The following PLXNA1 variants were observed in gnomAD, a reference collection of about 807,000 sequenced individuals.
PLXNA1 encodes the protein plexin A1.
Under a neutral mutation model 191.7 loss-of-function variants are expected in PLXNA1, and 77 were observed. The ratio of observed to expected loss-of-function variants is 0.40; its 90% CI spans 0.33 to 0.49. PLXNA1 has a LOEUF of 0.49. Among genes scored for constraint, PLXNA1 ranks in the 20% least tolerant of loss-of-function variants. PLXNA1 has a pLI of 0.63. For missense variants in PLXNA1, 2,110 were observed against 2,660.2 expected, an observed-to-expected ratio of 0.79 and a Z score of 4.55; for synonymous variants, 1,137 against 1,156.4, an observed-to-expected ratio of 0.98 and a Z score of 0.34.
chr3:127,024,896 C>G (rs1316473990), intron 23 of PLXNA1, among the ~76,000 whole-genome samples: 4 of 151,984 alleles, frequency 2.6e-5, no homozygotes, highest in African/African-American at 9.7e-5. Flanking sequence ...TTGTTTTTGT[C>G]TTTTTTAAGA....
intron 3 of PLXNA1, among the ~76,000 whole-genome samples, chr3:126,999,980 C>T (rs1019335864): frequency 2.0e-5 from 3 of 151,980 alleles, no homozygotes; most frequent in Non-Finnish European, 4.4e-5. Flanking sequence ...CAGGCAGAAG[C>T]AGGTGGGGGC....
chr3:127,028,894 G>A, intron 25 of PLXNA1, 99 bp from the exon 26 acceptor site: 2 of 830,434 alleles, frequency 2.4e-6, no homozygotes, highest in Non-Finnish European at 3.9e-6. Context: ...CTGTGCTGGT[G>A]CTGAGAGCTG....
chr3:127,017,897 G>A lies in PLXNA1; in HGVS notation c.3660+5G>A, dbSNP rs1320089464. On this transcript the variant is annotated splice_donor_5th_base_variant and intron_variant, in intron 19 of 31. Coordinates refer to ENST00000393409, the MANE Select transcript of PLXNA1 (RefSeq NM_032242.4). Reference sequence around the variant, plus strand: ...ACTGGGCAGCACAAGGTCACGGTGCGTCTGTCCACCGGGGGTGCAGAGCTG... The same window carrying A: ...ACTGGGCAGCACAAGGTCACGGTGCATCTGTCCACCGGGGGTGCAGAGCTG... 5 of 1,611,750 alleles carry A rather than the reference G, an allele frequency of 3.1e-6. No individual in the cohort carries two copies. Among genetic ancestry groups the A allele is most frequent in the African/African-American group, 1.3e-5 (1 of 74,912 alleles).
At chr3:127,001,574 G>A (rs1463688818) in intron 3 of PLXNA1, among the ~76,000 whole-genome samples, 3 of 152,300 alleles carry the variant, frequency 2.0e-5, no homozygotes, top group South Asian at 2.1e-4. Flanking sequence ...GTCCCTAACC[G>A]GGGTCTTCCA....
intron 4 of PLXNA1, 82 bp downstream of exon 4, chr3:127,003,552 G>A: frequency 1.4e-6 from 2 of 1,444,696 alleles, no homozygotes; most frequent in South Asian, 2.9e-5. Flanking sequence ...CAGTAGGGGT[G>A]GGGCCACATC....
chr3:127,032,844 C>T lies in PLXNA1; in HGVS notation c.5595+8C>T. 2 of 1,612,184 alleles carry T rather than the reference C, an allele frequency of 1.2e-6. No homozygotes were observed. Among genetic ancestry groups the T allele is most frequent in the East Asian group, 4.5e-5 (2 of 44,880 alleles). ...ACCAAGTACAAGGATGAGGTGAACA[C>T]CGTGGGAGCCCACAGGCTGGGCTAG... is the stretch of plus-strand genomic sequence containing the variant. On this transcript the variant is annotated splice_region_variant and intron_variant, in intron 31 of 31. Transcript: ENST00000393409.
At chr3:127,015,900 T>C (rs1464071074) in intron 15 of PLXNA1, among the ~76,000 whole-genome samples, 1 of 152,010 alleles carries the variant, frequency 6.6e-6, no homozygotes, top group Admixed American at 6.5e-5. Flanking sequence ...GCTCATCTAG[T>C]CTCCTCACAG....
chr3:127,024,544 G>T (rs944082868), intron 23 of PLXNA1, among the ~76,000 whole-genome samples: 1 of 152,160 alleles, frequency 6.6e-6, no homozygotes, highest in Admixed American at 6.5e-5. Context: ...GAGTGGTGCA[G>T]GTACAAGGGG....
chr3:127,005,308 G>A (rs73196539), intron 7 of PLXNA1, 65 bp downstream of exon 7: 170,628 of 1,520,742 alleles, frequency 0.11, 10,558 homozygotes, highest in Middle Eastern at 0.19. Context: ...TCCAGTTGCC[G>A]CCTGTTTAGC....
chr3:126,997,164 G>A (rs2079018596), intron 3 of PLXNA1, among the ~76,000 whole-genome samples: 1 of 152,240 alleles, frequency 6.6e-6, no homozygotes, highest in Non-Finnish European at 1.5e-5. Context: ...ACACATGCCT[G>A]TGCATCCTGC....
intron 3 of PLXNA1, 115 bp from the exon 4 acceptor site, chr3:127,003,215 C>A: frequency 2.5e-6 from 3 of 1,201,806 alleles, no homozygotes; most frequent in Non-Finnish European, 3.4e-6. Flanking sequence ...CCTCTCTGCT[C>A]ATGCATGTCT....
intron 23 of PLXNA1, among the ~76,000 whole-genome samples, chr3:127,024,379 C>T (rs976593762): frequency 1.3e-4 from 20 of 152,112 alleles, no homozygotes; most frequent in Non-Finnish European, 2.2e-4. Flanking sequence ...GTCTTTAGGC[C>T]GGATCAGACA....
At chr3:127,030,149 C>T (rs1184153551) in intron 28 of PLXNA1, 85 bp downstream of exon 28, 1 of 1,584,282 alleles carries the variant, frequency 6.3e-7, no homozygotes, top group Non-Finnish European at 8.6e-7. Flanking sequence ...AGGGCCTCAC[C>T]CCCATGCTCC....
intron 3 of PLXNA1, among the ~76,000 whole-genome samples, chr3:126,999,648 C>A (rs1040622998): frequency 5.9e-5 from 9 of 152,212 alleles, no homozygotes; most frequent in Admixed American, 4.6e-4. Flanking sequence ...CTGGCCGGGC[C>A]CTCAGCTGCC....
At chr3:126,996,482 C>T (rs982918740) in intron 3 of PLXNA1, among the ~76,000 whole-genome samples, 1 of 152,208 alleles carries the variant, frequency 6.6e-6, no homozygotes, top group African/African-American at 2.4e-5. Context: ...GTGGCAGGTG[C>T]CCACTGTGGG....
intron 1 of PLXNA1, among the ~76,000 whole-genome samples, chr3:126,985,527 T>C (rs2078954205): frequency 9.2e-6 from 1 of 109,070 alleles, no homozygotes; most frequent in East Asian, 2.8e-4. Flanking sequence ...CCCACCCTCC[T>C]GCACCAGCTC....
intron 14 of PLXNA1, 69 bp downstream of exon 14, chr3:127,014,900 T>C: frequency 6.4e-7 from 1 of 1,564,602 alleles, no homozygotes; most frequent in Non-Finnish European, 8.7e-7. Flanking sequence ...AGGGCTTCTG[T>C]GCCTCTTCAG....
At position 126,988,558 on chromosome 3, in the gene PLXNA1, G is replaced by A. The variant is rs1405448196; in HGVS notation, c.-36G>A. 15 of 1,445,690 alleles carry A rather than the reference G, an allele frequency of 1.0e-5. No homozygotes were observed. In the East Asian group the frequency reaches 3.2e-4, roughly 31 times the overall value. 89.6% of individuals were successfully genotyped at this position (1,445,690 alleles called of 1,614,324 possible). ...TGGCACCATGATGCTCACCCCAGCA[G>A]GACCAGAGCACCGAGGCCCAAGGCC... is the stretch of plus-strand genomic sequence containing the variant. On this transcript the variant is annotated 5_prime_UTR_variant, in exon 2 of 32. Coordinates refer to ENST00000393409, the MANE Select transcript of PLXNA1 (RefSeq NM_032242.4).
At chr3:127,028,387 G>A (rs778878175) in intron 25 of PLXNA1, 47 bp downstream of exon 25, 1 of 1,575,920 alleles carries the variant, frequency 6.3e-7, no homozygotes, top group East Asian at 2.2e-5. Flanking sequence ...CTGGAGCAGA[G>A]GGGCAGGGCC....
Sources: gnomAD v4.1 joint callset for allele counts (sites outside exome capture counted in the v4.1 genomes callset) on GRCh38, gnomAD v4.1.1 for gene constraint, MANE v1.5 for transcripts, NCBI Gene and HGNC (gene_info 2026-07-23, HGNC 2026-07-21) for gene names.